The following KCNB2 variants were observed in gnomAD, a reference collection of about 807,000 sequenced individuals.
KCNB2 encodes the protein delayed rectifier potassium channel protein.
In KCNB2, 15 loss-of-function variants were observed where a neutral mutation model predicts 61.5. The ratio of observed to expected loss-of-function variants is 0.24; its 90% CI spans 0.16 to 0.38. The LOEUF is 0.38. KCNB2 is among the 10% of genes least tolerant of loss of function. KCNB2 has a pLI of 1.00. For missense variants in KCNB2, 828 were observed against 1,125.2 expected (o/e 0.74, Z 3.78); for synonymous variants, 457 against 446.0 (o/e 1.02, Z -0.31).
chr8:72,548,209 C>G (rs1359917022), intron 1 of KCNB2, among the ~76,000 whole-genome samples: 3 of 152,048 alleles, frequency 2.0e-5, no homozygotes, highest in Non-Finnish European at 4.4e-5. Flanking sequence ...TGTAACTTGC[C>G]TTATTGAGGT....
At chr8:72,572,728 G>A (rs187227577) in intron 2 of KCNB2, among the ~76,000 whole-genome samples, 187 of 152,196 alleles carry the variant, frequency 1.2e-3, no homozygotes, top group African/African-American at 3.9e-3. Flanking sequence ...AGCTCCCTAA[G>A]GAGAAAAATT....
At chr8:72,898,769 G>T (rs781758384) in intron 2 of KCNB2, among the ~76,000 whole-genome samples, 3 of 152,160 alleles carry the variant, frequency 2.0e-5, no homozygotes, top group Non-Finnish European at 4.4e-5. Flanking sequence ...CATCCAGGTA[G>T]TGAACATAGT....
At chr8:72,885,974 C>A (rs1805801501) in intron 2 of KCNB2, among the ~76,000 whole-genome samples, 1 of 152,054 alleles carries the variant, frequency 6.6e-6, no homozygotes, top group Non-Finnish European at 1.5e-5. Flanking sequence ...CATCCCTCAA[C>A]CCCAGGACTT....
intron 2 of KCNB2, among the ~76,000 whole-genome samples, chr8:72,663,866 T>C (rs1261819135): frequency 6.6e-6 from 1 of 152,222 alleles, no homozygotes; most frequent in Non-Finnish European, 1.5e-5. Flanking sequence ...CATTTTAAAG[T>C]ATTACTTCCA....
intron 2 of KCNB2, among the ~76,000 whole-genome samples, chr8:72,872,260 G>A (rs1445392543): frequency 6.6e-6 from 1 of 152,208 alleles, no homozygotes; most frequent in Non-Finnish European, 1.5e-5. Flanking sequence ...CAGTGCAGCT[G>A]TGATTGTAAT....
intron 2 of KCNB2, among the ~76,000 whole-genome samples, chr8:72,818,138 A>G (rs1218287807): frequency 1.3e-5 from 2 of 152,146 alleles, no homozygotes; most frequent in African/African-American, 4.8e-5. Context: ...CAATGGTTCT[A>G]TTTCTAGGCA....
intron 2 of KCNB2, among the ~76,000 whole-genome samples, chr8:72,782,362 T>C (rs1808773754): frequency 6.6e-6 from 1 of 152,056 alleles, no homozygotes. Flanking sequence ...CATCTGAATG[T>C]GTGTTCCGAG....
intron 2 of KCNB2, among the ~76,000 whole-genome samples, chr8:72,725,567 A>ACGTG (rs1807626934): frequency 9.6e-6 from 1 of 104,066 alleles, no homozygotes; most frequent in African/African-American, 5.3e-5. Flanking sequence ...GTATATATGT[A>ACGTG]TATATATGTA....
rs903716104 is a variant in KCNB2 at position 72,894,137 on chromosome 8, T to C, written c.580-41798T>C. On this transcript the variant is annotated intron_variant, in intron 2 of 2. Coordinates refer to ENST00000523207, the MANE Select transcript of KCNB2 (RefSeq NM_004770.3). ...ATGATGAAGGTCTCACTTGAGCATG[T>C]AACCTGAGATCCAAATGACAAGGAG... Among the ~76,000 whole-genome samples, 23 of 152,192 alleles carry C rather than the reference T, an allele frequency of 1.5e-4. 1 individual carries two copies. The highest frequency in any genetic ancestry group is 1.5e-3 in the Admixed American group (23 of 15,272).
At chr8:72,873,428 G>A (rs981440429) in intron 2 of KCNB2, among the ~76,000 whole-genome samples, 26 of 152,210 alleles carry the variant, frequency 1.7e-4, no homozygotes, top group Non-Finnish European at 5.9e-5. Flanking sequence ...TTTAAAAACA[G>A]CAATAGAAAA....
chr8:72,547,179 G>A (rs1373897292), intron 1 of KCNB2, among the ~76,000 whole-genome samples: 3 of 152,168 alleles, frequency 2.0e-5, no homozygotes, highest in African/African-American at 4.8e-5. Flanking sequence ...AGAACCTACT[G>A]CTTATGAAAA....
chr8:72,797,251 G>T (rs1030067063), intron 2 of KCNB2, among the ~76,000 whole-genome samples: 1 of 152,142 alleles, frequency 6.6e-6, no homozygotes, highest in Non-Finnish European at 1.5e-5. Flanking sequence ...TTTTTGAAGA[G>T]TCTATTAATA....
chr8:72,771,224 C>T (rs1424704953), intron 2 of KCNB2, among the ~76,000 whole-genome samples: 1 of 152,136 alleles, frequency 6.6e-6, no homozygotes, highest in African/African-American at 2.4e-5. Flanking sequence ...TGTAATTAAC[C>T]TTTTCAACAG....
At chr8:72,563,819 A>G (rs1349177978) in intron 1 of KCNB2, among the ~76,000 whole-genome samples, 1 of 152,228 alleles carries the variant, frequency 6.6e-6, no homozygotes, top group East Asian at 1.9e-4. Context: ...CAGCTCTTCA[A>G]CTGCTCAGGA....
chr8:72,608,651 C>A lies in KCNB2; in HGVS notation c.579+40338C>A, dbSNP rs527939043. Among the ~76,000 whole-genome samples, 4 of 152,118 alleles carry A rather than the reference C, an allele frequency of 2.6e-5. No individual in the cohort carries two copies. The East Asian group carries it at 7.7e-4, about 29-fold the overall frequency. The stretch of plus-strand genomic sequence containing the variant: ...GTACCACCAATGGTGAGGTATCCAG[C>A]AGGGGGAGAGGGCCATCAAAGGAAA... On this transcript the variant is annotated intron_variant, in intron 2 of 2. Transcript: ENST00000523207.
At chr8:72,914,799 A>G (rs1053723244) in intron 2 of KCNB2, among the ~76,000 whole-genome samples, 4 of 152,222 alleles carry the variant, frequency 2.6e-5, no homozygotes, top group African/African-American at 9.6e-5. Flanking sequence ...GCACCTAAGT[A>G]TAAGCATTGT....
intron 2 of KCNB2, among the ~76,000 whole-genome samples, chr8:72,730,742 A>G (rs1253118890): frequency 6.6e-6 from 1 of 152,190 alleles, no homozygotes; most frequent in Non-Finnish European, 1.5e-5. Context: ...ATAGCATATA[A>G]TTTTTTAAAC....
intron 2 of KCNB2, among the ~76,000 whole-genome samples, chr8:72,610,155 T>G (rs720596): frequency 0.26 from 39,055 of 152,052 alleles, 5,724 homozygotes; most frequent in East Asian, 0.53. Context: ...TTAGAGCAGG[T>G]AATTGTTGGA....
chr8:72,647,314 A>G (rs1240963246), intron 2 of KCNB2, among the ~76,000 whole-genome samples: 2 of 152,120 alleles, frequency 1.3e-5, no homozygotes, highest in African/African-American at 4.8e-5. Flanking sequence ...AATTCCTGCT[A>G]TTTAGATACT....
Sources: allele counts gnomAD v4.1 joint callset (sites outside exome capture counted in the v4.1 genomes callset), GRCh38; gene constraint gnomAD v4.1.1; transcripts MANE v1.5; gene names NCBI Gene and HGNC (gene_info 2026-07-23, HGNC 2026-07-21).